KPNA4: variants seen among roughly 807,000 people sequenced by gnomAD.
The protein encoded by KPNA4 is importin subunit alpha-3.
KPNA4 carries 13 observed loss-of-function variants against 71.3 expected under a neutral mutation model. The ratio of observed to expected loss-of-function variants is 0.18; its 90% CI spans 0.12 to 0.29. The LOEUF is 0.29. Among genes scored for constraint, KPNA4 ranks in the 10% least tolerant of loss-of-function variants. KPNA4 has a pLI of 1.00. For synonymous variants in KPNA4, 189 were observed against 195.2 expected (o/e 0.97, Z 0.26); for missense variants, 334 against 603.2 (o/e 0.55, Z 4.67).
intron 1 of KPNA4, among the ~76,000 whole-genome samples, chr3:160,561,022 C>T (rs953534181): frequency 1.3e-5 from 2 of 152,048 alleles, no homozygotes; most frequent in Non-Finnish European, 2.9e-5. Context: ...AACAAAACAG[C>T]TGATCAATTT....
At position 160,499,494 on chromosome 3, in the gene KPNA4, A is replaced by T. The variant is rs2108540511; in HGVS notation, c.*2610T>A. 1 of 152,222 alleles carries T rather than the reference A, an allele frequency of 6.6e-6. No individual in the cohort carries two copies. Among genetic ancestry groups the T allele is most frequent in the Non-Finnish European group, 1.5e-5 (1 of 67,998 alleles). 9.4% of individuals were successfully genotyped at this position (152,222 alleles called of 1,614,324 possible). A position where few individuals can be genotyped will look rare whatever the true frequency, so the allele number is the denominator to read the frequency against. ...GATCACTGGAGAATTAAAAAAAAAA[A>T]AAAAGTGTTTAACCAGGTAACCGTG... On this transcript the variant is annotated 3_prime_UTR_variant, in exon 17 of 17. Transcript: ENST00000334256.
At chr3:160,535,370 T>A (rs1038777913) in intron 5 of KPNA4, 143 bp downstream of exon 5, 1 of 512,188 alleles carries the variant, frequency 2.0e-6, no homozygotes, top group Non-Finnish European at 3.4e-6. Context: ...ATTAAAAAAA[T>A]AAATTTAGTT....
chr3:160,518,129 G>GTT lies in KPNA4; in HGVS notation c.904-2551_904-2550dup, dbSNP rs747779915. The stretch of plus-strand genomic sequence containing the variant: ...TATTTAGGTGTTTGATCTATTCTGA[G>GTT]TTTTTTTTTTTTTTTTGAGACGGAG... On this transcript the variant is annotated intron_variant, in intron 11 of 16. Transcript: ENST00000334256. Among the ~76,000 whole-genome samples, 129 of 139,062 alleles carry GTT rather than the reference G, an allele frequency of 9.3e-4. 1 individual carries two copies. Among genetic ancestry groups the GTT allele is most frequent in the Middle Eastern group, 3.7e-3 (1 of 272 alleles). The allele number at this position is 139,062 out of a possible 152,430, so 91.2% of individuals were successfully genotyped here.
rs148055594 is a variant in KPNA4 at position 160,529,851 on chromosome 3, C to T, written c.469+1004G>A. Among the ~76,000 whole-genome samples the T allele has an allele frequency of 3.3e-3, 509 of 151,974 alleles. 2 individuals carry two copies. Among genetic ancestry groups the T allele is most frequent in the African/African-American group, 0.011 (459 of 41,460 alleles). The stretch of plus-strand genomic sequence containing the variant: ...ATTTCTTTAAAATATATGATATGGC[C>T]GGGCGTGGTGGCTCACACCTGTAAT... On this transcript the variant is annotated intron_variant, in intron 7 of 16. Transcript: ENST00000334256.
At chr3:160,524,819 T>C (rs1228920761) in intron 10 of KPNA4, among the ~76,000 whole-genome samples, 1 of 152,248 alleles carries the variant, frequency 6.6e-6, no homozygotes, top group Non-Finnish European at 1.5e-5. Context: ...GAATTTTATA[T>C]ATTATGTCAC....
At chr3:160,538,133 G>A (rs1020881868) in intron 1 of KPNA4, among the ~76,000 whole-genome samples, 1 of 149,068 alleles carries the variant, frequency 6.7e-6, no homozygotes, top group Admixed American at 6.7e-5. Flanking sequence ...GTATATATAT[G>A]TATGTATATA....
chr3:160,559,487 T>A (rs1003067165), intron 1 of KPNA4, among the ~76,000 whole-genome samples: 4 of 152,150 alleles, frequency 2.6e-5, no homozygotes, highest in Non-Finnish European at 5.9e-5. Context: ...ATCCAATGCA[T>A]GGTATTACAA....
At chr3:160,517,644 T>G (rs1721255691) in intron 11 of KPNA4, among the ~76,000 whole-genome samples, 1 of 152,094 alleles carries the variant, frequency 6.6e-6, no homozygotes, top group Admixed American at 6.5e-5. Flanking sequence ...TCTTCCTAAC[T>G]ATAGCCATCC....
intron 1 of KPNA4, among the ~76,000 whole-genome samples, chr3:160,563,776 T>C (rs188488699): frequency 2.0e-5 from 3 of 152,270 alleles, no homozygotes; most frequent in East Asian, 3.9e-4. Flanking sequence ...AGCTCATTTT[T>C]ATGGCATGCA....
intron 1 of KPNA4, among the ~76,000 whole-genome samples, chr3:160,554,999 G>C (rs568387510): frequency 3.3e-5 from 5 of 152,340 alleles, no homozygotes; most frequent in Non-Finnish European, 5.9e-5. Flanking sequence ...GTCAGTCAGA[G>C]GCAGAAGACA....
intron 7 of KPNA4, among the ~76,000 whole-genome samples, chr3:160,529,904 C>T (rs1005027607): frequency 5.4e-5 from 8 of 149,028 alleles, no homozygotes; most frequent in African/African-American, 1.7e-4. Context: ...CCGAGGCAGG[C>T]GGATCATGAG....
intron 1 of KPNA4, among the ~76,000 whole-genome samples, chr3:160,554,219 T>C (rs896229707): frequency 2.0e-5 from 3 of 152,198 alleles, no homozygotes; most frequent in African/African-American, 7.2e-5. Flanking sequence ...TGAGATATAA[T>C]TTACATACCA....
intron 13 of KPNA4, among the ~76,000 whole-genome samples, chr3:160,511,825 T>C (rs1193729790): frequency 6.6e-6 from 1 of 151,584 alleles, no homozygotes; most frequent in Non-Finnish European, 1.5e-5. Flanking sequence ...AAAAATAATG[T>C]ATATTGACAT....
rs556698223 is a variant in KPNA4, at chr3:160,563,193, A to G, written c.69+2021T>C. 9.6e-5 allele frequency among the ~76,000 whole-genome samples: 9 copies of G among 93,344 alleles called. No individual in the cohort carries two copies. The South Asian group carries it at 3.2e-3, about 33-fold the overall frequency. The allele number at this position is 93,344 out of a possible 152,430, so 61.2% of individuals were successfully genotyped here. A position where few individuals can be genotyped will look rare whatever the true frequency, so the allele number is the denominator to read the frequency against. On this transcript the variant is annotated intron_variant, in intron 1 of 16. Transcript: ENST00000334256. ...TGGAGGATCATTGGATCATTCGGCC[A>G]TAAGGATCATTCGGCCATGAAACAT... is the stretch of plus-strand genomic sequence containing the variant.
chr3:160,502,063 T>TA lies in KPNA4; in HGVS notation c.*40dup. The TA allele has an allele frequency of 1.3e-6, 1 of 768,948 alleles. No homozygotes were observed. The allele number at this position is 768,948 out of a possible 1,614,324, so 47.6% of individuals were successfully genotyped here. A position where few individuals can be genotyped will look rare whatever the true frequency, so the allele number is the denominator to read the frequency against. On this transcript the variant is annotated 3_prime_UTR_variant, in exon 17 of 17. Coordinates refer to ENST00000334256, the MANE Select transcript of KPNA4 (RefSeq NM_002268.5). ...ATACACACACACATATATATATATA[T>TA]ATCTCAGTGCTGCATTGTACCTAAC...
intron 1 of KPNA4, among the ~76,000 whole-genome samples, chr3:160,550,287 G>C (rs954196243): frequency 1.3e-5 from 2 of 152,108 alleles, no homozygotes; most frequent in Non-Finnish European, 2.9e-5. Flanking sequence ...GTTTTGTTTT[G>C]AAAGAGTCTT....
chr3:160,561,850 C>T (rs1426326010), intron 1 of KPNA4, among the ~76,000 whole-genome samples: 1 of 151,952 alleles, frequency 6.6e-6, no homozygotes, highest in Non-Finnish European at 1.5e-5. Flanking sequence ...TTCCCTCCCC[C>T]AAAAAGAAAA....
intron 1 of KPNA4, among the ~76,000 whole-genome samples, chr3:160,544,372 T>G (rs908245973): frequency 3.3e-5 from 5 of 152,208 alleles, no homozygotes; most frequent in African/African-American, 9.7e-5. Context: ...AGAAGGCGAC[T>G]GAGGACAACC....
intron 1 of KPNA4, among the ~76,000 whole-genome samples, chr3:160,562,584 C>T (rs1722269081): frequency 6.6e-6 from 1 of 152,134 alleles, no homozygotes; most frequent in South Asian, 2.1e-4. Flanking sequence ...GACCACTGTA[C>T]TGTTCTCTAA....
Sources: gnomAD v4.1 joint callset for allele counts (sites outside exome capture counted in the v4.1 genomes callset) on GRCh38, gnomAD v4.1.1 for gene constraint, MANE v1.5 for transcripts, NCBI Gene and HGNC (gene_info 2026-07-23, HGNC 2026-07-21) for gene names.